The following MSH3 variants were observed in gnomAD, a reference collection of about 807,000 sequenced individuals.
The protein encoded by MSH3 is DNA mismatch repair protein Msh3.
In MSH3, 106 loss-of-function variants were observed where a neutral mutation model predicts 123.3. The observed-to-expected ratio is 0.86, with a 90% CI of 0.73 to 1.01. The LOEUF (loss-of-function observed/expected upper bound fraction) is 1.01. Ranked by LOEUF, MSH3 falls within the 50% of genes least tolerant of loss-of-function variation. MSH3 has a pLI of 0.00. For synonymous variants in MSH3, 515 were observed against 481.4 expected (o/e 1.07, Z -0.91); for missense variants, 1,459 against 1,347.6 (o/e 1.08, Z -1.29).
intron 5 of MSH3, 48 bp from the exon 6 acceptor site, chr5:80,672,693 A>C: frequency 1.4e-6 from 2 of 1,443,178 alleles, no homozygotes; most frequent in Non-Finnish European, 2.0e-6. Flanking sequence ...GAGTTTTTAC[A>C]AGTCATTTTT....
At chr5:80,740,345 T>G (rs1359155129) in intron 10 of MSH3, among the ~76,000 whole-genome samples, 5 of 150,888 alleles carry the variant, frequency 3.3e-5, no homozygotes, top group Non-Finnish European at 5.9e-5. Context: ...GTAATGTGTG[T>G]TTTTTTTCTT....
At chr5:80,697,091 G>T (rs1750499629) in intron 8 of MSH3, among the ~76,000 whole-genome samples, 1 of 152,166 alleles carries the variant, frequency 6.6e-6, no homozygotes, top group Admixed American at 6.5e-5. Flanking sequence ...CTCTCCATCA[G>T]AGTGCTGTCA....
intron 8 of MSH3, among the ~76,000 whole-genome samples, chr5:80,681,905 G>C (rs4703816): frequency 0.12 from 18,374 of 152,042 alleles, 1,562 homozygotes; most frequent in East Asian, 0.33. Flanking sequence ...GATAATTTAG[G>C]TGTCTTATGT....
intron 12 of MSH3, among the ~76,000 whole-genome samples, chr5:80,748,691 TACACACACACACACACACAC>T (rs36206914): frequency 2.0e-5 from 3 of 147,358 alleles, no homozygotes; most frequent in Admixed American, 2.0e-4. Flanking sequence ...ATTTTTTATT[TACACACACACACACACACAC>T]ACACACACAC....
At chr5:80,677,651 T>C (rs1470332477) in intron 7 of MSH3, among the ~76,000 whole-genome samples, 1 of 152,222 alleles carries the variant, frequency 6.6e-6, no homozygotes, top group East Asian at 1.9e-4. Flanking sequence ...CCTCCAGAGG[T>C]GTCTGTAATC....
chr5:80,762,326 T>C (rs2112880534), intron 13 of MSH3, among the ~76,000 whole-genome samples: 1 of 152,192 alleles, frequency 6.6e-6, no homozygotes, highest in South Asian at 2.1e-4. Context: ...GTCATTCACA[T>C]ACCTTATACT....
At chr5:80,717,352 A>T (rs1750983538) in intron 8 of MSH3, among the ~76,000 whole-genome samples, 1 of 152,122 alleles carries the variant, frequency 6.6e-6, no homozygotes, top group East Asian at 1.9e-4. Context: ...TGCAGCCTGG[A>T]ACTGCTTGGT....
chr5:80,875,700 G>T (rs1424023140), intron 23 of MSH3, 51 bp from the exon 24 acceptor site: 1 of 1,072,442 alleles, frequency 9.3e-7, no homozygotes, highest in Non-Finnish European at 1.4e-6. Context: ...GAGACGTATT[G>T]TCTCCCAGCA....
Position 80,725,549 on chromosome 5 carries a change from T to TA in MSH3, c.1438dup (p.Thr480AsnfsTer3). The TA allele has an allele frequency of 6.2e-7, 1 of 1,612,086 alleles. No individual in the cohort carries two copies. The highest frequency in any genetic ancestry group is 1.1e-5 in the South Asian group (1 of 91,030). On this transcript the variant is annotated frameshift_variant, in exon 9 of 24. Transcript: ENST00000265081. LOFTEE classifies it high-confidence loss of function. ...CAGTTACAGAGTTTTATGCAAAAGA[T>TA]ACAGTTGACATCAAAGGTAAATATT... is the stretch of plus-strand genomic sequence containing the variant.
intron 15 of MSH3, among the ~76,000 whole-genome samples, chr5:80,770,501 A>G (rs1175697956): frequency 1.3e-5 from 2 of 152,178 alleles, no homozygotes; most frequent in Non-Finnish European, 2.9e-5. Context: ...TAAAGTCTAG[A>G]ATGGTGGTAG....
intron 20 of MSH3, among the ~76,000 whole-genome samples, chr5:80,821,699 G>A (rs80194278): frequency 6.6e-6 from 1 of 152,342 alleles, no homozygotes; most frequent in East Asian, 1.9e-4. Context: ...CTGTGTCCCT[G>A]CATATTCTTA....
At chr5:80,797,631 C>T (rs1017739810) in intron 19 of MSH3, among the ~76,000 whole-genome samples, 12 of 152,190 alleles carry the variant, frequency 7.9e-5, no homozygotes, top group African/African-American at 1.9e-4. Flanking sequence ...CAGGTTGGGT[C>T]GTCTTGAACT....
At chr5:80,816,556 GGCATGATTATGTCT>G (rs1745105372) in intron 20 of MSH3, among the ~76,000 whole-genome samples, 5 of 152,178 alleles carry the variant, frequency 3.3e-5, no homozygotes, top group Admixed American at 2.6e-4. Flanking sequence ...ACCAGGGTTT[GGCATGATTATGTCT>G]GCATTGGTTA....
intron 8 of MSH3, among the ~76,000 whole-genome samples, chr5:80,682,816 C>G (rs905234687): frequency 6.6e-6 from 1 of 150,992 alleles, no homozygotes; most frequent in African/African-American, 2.4e-5. Flanking sequence ...AATGCTAGGT[C>G]TTATTCTTTC....
intron 19 of MSH3, among the ~76,000 whole-genome samples, chr5:80,795,870 G>T (rs996389988): frequency 1.3e-5 from 2 of 151,962 alleles, no homozygotes; most frequent in African/African-American, 2.4e-5. Context: ...AATTAGCTGG[G>T]CATGGTGGCG....
intron 18 of MSH3, among the ~76,000 whole-genome samples, chr5:80,788,010 G>A (rs1744540444): frequency 6.6e-6 from 1 of 152,154 alleles, no homozygotes. Context: ...GGACTGAGGG[G>A]CATTTTAGTG....
At chr5:80,779,183 G>A (rs1744364954) in intron 17 of MSH3, among the ~76,000 whole-genome samples, 1 of 151,840 alleles carries the variant, frequency 6.6e-6, no homozygotes, top group South Asian at 2.1e-4. Flanking sequence ...AGTAGAGACG[G>A]GATTTCGCCA....
rs151059499 is a variant in MSH3, at chr5:80,836,322, T to C, written c.2814-17808T>C. 3.1e-3 allele frequency among the ~76,000 whole-genome samples: 478 copies of C among 152,302 alleles called. 1 individual carries two copies. Among genetic ancestry groups the C allele is most frequent in the African/African-American group, 0.011 (456 of 41,570 alleles). On this transcript the variant is annotated intron_variant, in intron 20 of 23. Transcript: ENST00000265081. Reference sequence around the variant, plus strand: ...ATTTCAACTTGTATTGAACATCTTATGTGCAAGACACTCTGCTTAACACTT... The same window carrying C: ...ATTTCAACTTGTATTGAACATCTTACGTGCAAGACACTCTGCTTAACACTT...
chr5:80,846,171 T>C (rs1745716656), intron 20 of MSH3, among the ~76,000 whole-genome samples: 1 of 152,126 alleles, frequency 6.6e-6, no homozygotes, highest in Non-Finnish European at 1.5e-5. Flanking sequence ...TAACTGCAGG[T>C]CTGTTGGGGT....
Sources: gnomAD v4.1 joint callset for allele counts (sites outside exome capture counted in the v4.1 genomes callset) on GRCh38, gnomAD v4.1.1 for gene constraint, MANE v1.5 for transcripts, NCBI Gene and HGNC (gene_info 2026-07-23, HGNC 2026-07-21) for gene names.